The following FRAS1 variants were observed in gnomAD, a reference collection of about 807,000 sequenced individuals.
FRAS1 encodes Fraser extracellular matrix complex subunit 1.
FRAS1 carries 290 observed loss-of-function variants against 435.2 expected under a neutral mutation model. That is an observed-to-expected ratio of 0.67 (90% CI 0.61 to 0.73). The LOEUF is 0.73. Ranked by LOEUF, FRAS1 falls within the 30% of genes least tolerant of loss-of-function variation. The pLI, the probability that FRAS1 is intolerant of heterozygous loss-of-function variation, is 0.00. For synonymous variants in FRAS1, 1,800 were observed against 1,851.0 expected, an observed-to-expected ratio of 0.97 and a Z score of 0.71; for missense variants, 4,860 against 5,001.5, an observed-to-expected ratio of 0.97 and a Z score of 0.85.
At chr4:78,477,768 G>A (rs754285194) in intron 54 of FRAS1, 47 bp from the exon 55 acceptor site, 2 of 1,581,384 alleles carry the variant, frequency 1.3e-6, no homozygotes, top group South Asian at 1.2e-5. Flanking sequence ...AGCAGAGCAG[G>A]GGAAGCTGAG....
In FRAS1 at chr4:78,255,300, G is replaced by T. The variant is rs992279180; in HGVS notation, c.528G>T (p.Arg176=). The change falls in exon 6 of 74, where the codon CGG becomes CGT. Residue 176 remains arginine, a synonymous_variant. Transcript: ENST00000512123. ...FQDGEDWRLS[R]CAKCLCRNGV... ...ATGGGGAGGACTGGCGGCTGAGCCG[G>T]TGTGCCAAATGTCTGTGTAGAAATG... 5.1e-6 allele frequency: 8 copies of T among 1,562,348 alleles called. No homozygotes were observed. Among genetic ancestry groups the T allele is most frequent in the Admixed American group, 1.9e-5 (1 of 52,098 alleles).
chr4:78,480,232 C>G (rs1719970674), intron 56 of FRAS1, among the ~76,000 whole-genome samples: 1 of 152,124 alleles, frequency 6.6e-6, no homozygotes, highest in Non-Finnish European at 1.5e-5. Context: ...ACCACCATTT[C>G]CCACCCCCAC....
rs1293593623 is a variant in FRAS1 at position 78,080,666 on chromosome 4, A to G, written c.108+14650A>G. Among the ~76,000 whole-genome samples the G allele has an allele frequency of 2.0e-5, 3 of 152,170 alleles. No individual in the cohort carries two copies. The South Asian group carries it at 6.2e-4, about 31-fold the overall frequency. ...AGTTTAAACTGCATACATCAATTGT[A>G]CAAGCAGATACATGTAAGCATTCTG... On this transcript the variant is annotated intron_variant, in intron 2 of 73. Coordinates refer to ENST00000512123, the MANE Select transcript of FRAS1 (RefSeq NM_025074.7).
intron 9 of FRAS1, among the ~76,000 whole-genome samples, chr4:78,268,687 C>G (rs1726496209): frequency 1.3e-5 from 2 of 152,222 alleles, no homozygotes; most frequent in Non-Finnish European, 2.9e-5. Flanking sequence ...AACAAAGAGT[C>G]TCAGTCACAG....
At chr4:78,341,492 A>G (rs1055409146) in intron 20 of FRAS1, among the ~76,000 whole-genome samples, 3 of 152,188 alleles carry the variant, frequency 2.0e-5, no homozygotes, top group Non-Finnish European at 4.4e-5. Flanking sequence ...GAAATCCTCT[A>G]ATGAGAACGT....
chr4:78,193,484 A>C (rs146571734), intron 2 of FRAS1, among the ~76,000 whole-genome samples: 40 of 152,244 alleles, frequency 2.6e-4, no homozygotes, highest in African/African-American at 9.6e-4. Context: ...ATTTAGGATA[A>C]TTAGCTCTGC....
Position 78,281,427 on chromosome 4 carries a change from T to C in FRAS1, c.1101T>C (p.Arg367=). The stretch of plus-strand genomic sequence containing the variant: ...CATCAAATGCTAGTGAAGTTAAACG[T>C]ATTCCAGTAAGTATAGCTTTTTAAC... ...FMSSNASEVK[R]IPEGEKWEDG... is the part of the protein sequence containing the mutation. The change falls in exon 11 of 74, where the codon CGT becomes CGC. Residue 367 remains arginine (R), a synonymous_variant. Transcript: ENST00000512123. 7 of 1,570,096 alleles carry C rather than the reference T, an allele frequency of 4.5e-6. No individual in the cohort carries two copies. The highest frequency in any genetic ancestry group is 1.4e-5 in the African/African-American group (1 of 73,172).
At chr4:78,341,934 A>G (rs965769491) in intron 20 of FRAS1, among the ~76,000 whole-genome samples, 3 of 152,180 alleles carry the variant, frequency 2.0e-5, no homozygotes, top group African/African-American at 4.8e-5. Context: ...CCCTGAACCT[A>G]AAGTCCTGGA....
At chr4:78,276,232 GT>G (rs537064354) in intron 9 of FRAS1, among the ~76,000 whole-genome samples, 18 of 151,842 alleles carry the variant, frequency 1.2e-4, no homozygotes, top group Non-Finnish European at 2.6e-4. Flanking sequence ...TTTTTTCAAG[GT>G]TTTTATCTTC....
At chr4:78,518,512 A>G (rs902311825) in intron 66 of FRAS1, among the ~76,000 whole-genome samples, 7 of 150,490 alleles carry the variant, frequency 4.7e-5, no homozygotes, top group African/African-American at 1.7e-4. Context: ...TGTGTGAACT[A>G]ACTCCCCATT....
rs34809077 is a variant in FRAS1 at position 78,489,181 on chromosome 4, G to A, written c.8958+101G>A. ...AAATTCCAAAAATTCTCAGAATTTT[G>A]TATACTACAGGTGACCCTTGAACAA... On this transcript the variant is annotated intron_variant, in intron 59 of 73. Transcript: ENST00000512123. 8.5e-3 allele frequency: 9,216 copies of A among 1,086,448 alleles called. 51 individuals are homozygous for A. Among genetic ancestry groups the A allele is most frequent in the Non-Finnish European group, 0.011 (8,084 of 763,462 alleles). The allele number at this position is 1,086,448 out of a possible 1,614,324, so 67.3% of individuals were successfully genotyped here.
intron 2 of FRAS1, among the ~76,000 whole-genome samples, chr4:78,230,297 A>G (rs1724464938): frequency 6.6e-6 from 1 of 152,234 alleles, no homozygotes; most frequent in African/African-American, 2.4e-5. Flanking sequence ...GTGGATCACA[A>G]TTTTGTTTTT....
chr4:78,333,368 C>G lies in FRAS1; in HGVS notation c.2234C>G (p.Ser745Cys). 6.2e-7 allele frequency: 1 copy of G among 1,611,920 alleles called. No individual in the cohort carries two copies. Among genetic ancestry groups the G allele is most frequent in the Non-Finnish European group, 8.5e-7 (1 of 1,179,052 alleles). The change falls in exon 19 of 74, where the codon TCC (serine) becomes TGC (cysteine). Residue 745 changes from serine to cysteine, a missense_variant. Ser to Cys is a moderately radical substitution (Grantham distance 112, BLOSUM62 -1). Transcript: ENST00000512123. ...GTGCTGTTGGATGGGCAGTGCCTCT[C>G]CCAGTGCCCAGATGGCTACTTTCAC... ...SHVLLDGQCL[S>C]QCPDGYFHQE...
Position 78,401,169 on chromosome 4 carries a change from G to C in FRAS1, c.4129+282G>C, listed in dbSNP as rs549915307. Among the ~76,000 whole-genome samples, 5 of 152,304 alleles carry C rather than the reference G, an allele frequency of 3.3e-5. No homozygotes were observed. In the East Asian group the frequency reaches 7.7e-4, roughly 23 times the overall value. On this transcript the variant is annotated intron_variant, in intron 30 of 73. Transcript: ENST00000512123. ...AAAATACTGGGTAAAGTAGCTTGCT[G>C]CAAGTCACTTAACTAATATACGTCA...
At position 78,146,100 on chromosome 4, in the gene FRAS1, C is replaced by T. The variant is rs1662057774; in HGVS notation, c.108+80084C>T. Among the ~76,000 whole-genome samples the T allele has an allele frequency of 2.6e-5, 4 of 152,018 alleles. No homozygotes were observed. In the South Asian group the frequency reaches 8.3e-4, roughly 32 times the overall value. The stretch of plus-strand genomic sequence containing the variant: ...TGGACTACTACAAGTACCCAGAACC[C>T]GAACATTGTAGCATACTGTTTTTTT... On this transcript the variant is annotated intron_variant, in intron 2 of 73. Transcript: ENST00000512123.
In FRAS1 at chr4:78,451,906, G is replaced by T; in HGVS notation, c.6583+15G>T. The T allele has an allele frequency of 6.2e-7, 1 of 1,601,090 alleles. No homozygotes were observed. On this transcript the variant is annotated intron_variant, in intron 46 of 73. Transcript: ENST00000512123. ...CAGCATTCTAGGTAAAGAGACATTT[G>T]ATTTTCTAATATAAAACTATTTTAG...
At chr4:78,101,749 T>A (rs979802788) in intron 2 of FRAS1, among the ~76,000 whole-genome samples, 1 of 152,164 alleles carries the variant, frequency 6.6e-6, no homozygotes, top group Non-Finnish European at 1.5e-5. Context: ...TAGAAATATG[T>A]ATAAGATGGC....
Position 78,286,495 on chromosome 4 carries a change from C to A in FRAS1, c.1490C>A (p.Pro497His). 1 of 1,613,682 alleles carries A rather than the reference C, an allele frequency of 6.2e-7. No individual in the cohort carries two copies. Among genetic ancestry groups the A allele is most frequent in the Non-Finnish European group, 8.5e-7 (1 of 1,179,892 alleles). Reference sequence around the variant, plus strand: ...CTGATGCGGCACGGGCAGTGTGTGCCTACCTGTGGGGACGGCTTCTACCAA... The same window carrying A: ...CTGATGCGGCACGGGCAGTGTGTGCATACCTGTGGGGACGGCTTCTACCAA... ...PLLMRHGQCV[P>H]TCGDGFYQDR... Residue 497 changes from proline (P) to histidine (H), a missense_variant, in exon 14 of 74, where the codon CCT becomes CAT. By Grantham distance (77) the Pro-to-His change is moderately conservative. Coordinates refer to ENST00000512123, the MANE Select transcript of FRAS1 (RefSeq NM_025074.7).
chr4:78,479,788 G>T (rs1719956868), intron 56 of FRAS1, 70 bp downstream of exon 56: 1 of 1,224,142 alleles, frequency 8.2e-7, no homozygotes, highest in Non-Finnish European at 1.1e-6. Context: ...TTTCTCCTTA[G>T]GTTTCAGAAT....
Sources: allele counts gnomAD v4.1 joint callset (sites outside exome capture counted in the v4.1 genomes callset), GRCh38; gene constraint gnomAD v4.1.1; transcripts MANE v1.5; gene names NCBI Gene and HGNC (gene_info 2026-07-23, HGNC 2026-07-21).